The following UACA variants were observed in gnomAD, a reference collection of about 807,000 sequenced individuals.
UACA encodes the protein nuclear membrane binding protein.
UACA carries 112 observed loss-of-function variants against 160.5 expected under a neutral mutation model. That is an observed-to-expected ratio of 0.70 (90% CI 0.60 to 0.82). The LOEUF (loss-of-function observed/expected upper bound fraction) is 0.82, where lower values mean the gene tolerates loss of function less well. Among genes scored for constraint, UACA ranks in the 40% least tolerant of loss-of-function variants. UACA has a pLI of 0.00. For synonymous variants in UACA, 557 were observed against 568.4 expected, an observed-to-expected ratio of 0.98 and a Z score of 0.29; for missense variants, 1,574 against 1,614.6, an observed-to-expected ratio of 0.97 and a Z score of 0.43.
intron 18 of UACA, 67 bp from the exon 19 acceptor site, chr15:70,657,194 T>C: frequency 7.5e-7 from 1 of 1,333,960 alleles, no homozygotes; most frequent in Admixed American, 1.7e-5. Flanking sequence ...ATTCTAAAGA[T>C]AAAGCTTTTA....
intron 1 of UACA, among the ~76,000 whole-genome samples, chr15:70,753,228 A>G (rs1251737814): frequency 6.6e-6 from 1 of 152,226 alleles, no homozygotes; most frequent in Non-Finnish European, 1.5e-5. Flanking sequence ...CGCAGCCAAT[A>G]AGCACAGAAA....
intron 1 of UACA, among the ~76,000 whole-genome samples, chr15:70,710,460 T>G (rs934542026): frequency 6.6e-6 from 1 of 151,972 alleles, no homozygotes; most frequent in Admixed American, 6.6e-5. Flanking sequence ...AACATCTGGG[T>G]CTCCTACAAT....
intron 1 of UACA, among the ~76,000 whole-genome samples, chr15:70,751,340 T>C (rs759792710): frequency 7.9e-5 from 12 of 152,214 alleles, no homozygotes; most frequent in Non-Finnish European, 1.6e-4. Flanking sequence ...GGTGGACTTT[T>C]GAAGATCTAG....
intron 16 of UACA, 148 bp downstream of exon 16, chr15:70,666,576 T>C (rs767971800): frequency 3.2e-6 from 2 of 624,618 alleles, no homozygotes; most frequent in Non-Finnish European, 5.0e-6. Flanking sequence ...TCACTTTTTT[T>C]TTCAATTCGG....
At chr15:70,712,506 C>T (rs886993358) in intron 1 of UACA, among the ~76,000 whole-genome samples, 2 of 152,172 alleles carry the variant, frequency 1.3e-5, no homozygotes, top group Non-Finnish European at 2.9e-5. Flanking sequence ...CACCACTTCC[C>T]TATATCCTGT....
At position 70,695,084 on chromosome 15, in the gene UACA, C is replaced by G. The variant is rs1595894169; in HGVS notation, c.234G>C (p.Lys78Asn). The change falls in exon 3 of 19, where the codon AAG (lysine) becomes AAC (asparagine). Residue 78 changes from lysine to asparagine, a missense_variant. Transcript: ENST00000322954. ...TGGCATTCAAACACTCAAGATTCCCCTTTGAGGTCACAACATGGAAGCTAA... is the reference window on the plus strand; with the variant it reads ...TGGCATTCAAACACTCAAGATTCCCGTTTGAGGTCACAACATGGAAGCTAA... Reference protein sequence around the residue: ...GRSVFHVVTSKGNLECLNAIL... With the variant: ...GRSVFHVVTSNGNLECLNAIL... 1.2e-6 allele frequency: 2 copies of G among 1,607,656 alleles called. No individual in the cohort carries two copies. The highest frequency in any genetic ancestry group is 2.2e-5 in the East Asian group (1 of 44,522).
chr15:70,688,277 T>C (rs1031671505), intron 5 of UACA, among the ~76,000 whole-genome samples: 6 of 152,186 alleles, frequency 3.9e-5, no homozygotes, highest in African/African-American at 1.4e-4. Flanking sequence ...TTGCAATGTC[T>C]ACCTTTATGC....
At chr15:70,687,423 A>C (rs1897764012) in intron 7 of UACA, 117 bp downstream of exon 7, 1 of 845,574 alleles carries the variant, frequency 1.2e-6, no homozygotes, top group African/African-American at 1.7e-5. Context: ...CAAGCCAGGG[A>C]AGGGGAGAAC....
At chr15:70,768,084 A>G (rs2031059089), upstream of UACA, 1 of 152,252 alleles carries the variant, frequency 6.6e-6, no homozygotes, top group African/African-American at 2.4e-5. Flanking sequence ...TGAGAAGAAG[A>G]AAAAGGGAAA....
rs1897003032 is a variant in UACA, at chr15:70,668,228, T to A, written c.2456A>T (p.Asn819Ile). ...CAGCTGTTTCTTAAGTTCAACAATA[T>A]TGGATTTCAGAGCTATTATCTCTTT... The part of the protein sequence containing the change: ...HEKEIIALKS[N>I]IVELKKQLSE... Residue 819 changes from asparagine (N) to isoleucine (I), a missense_variant, in exon 16 of 19, where the codon AAT becomes ATT. Transcript: ENST00000322954. 6.2e-7 allele frequency: 1 copy of A among 1,613,138 alleles called. No individual in the cohort carries two copies. The highest frequency in any genetic ancestry group is 1.7e-5 in the Admixed American group (1 of 59,890).
chr15:70,697,066 A>ACTCTATGT (rs1898155499), intron 2 of UACA, among the ~76,000 whole-genome samples: 1 of 152,158 alleles, frequency 6.6e-6, no homozygotes, highest in African/African-American at 2.4e-5. Flanking sequence ...TTAAAAATCA[A>ACTCTATGT]CTCTATGTTT....
intron 3 of UACA, among the ~76,000 whole-genome samples, chr15:70,691,859 T>C (rs1897950064): frequency 6.6e-6 from 1 of 152,182 alleles, no homozygotes; most frequent in Non-Finnish European, 1.5e-5. Context: ...AAATTCAAAG[T>C]TTATTATGTA....
chr15:70,701,521 C>T (rs947143012), intron 1 of UACA, among the ~76,000 whole-genome samples: 3 of 152,144 alleles, frequency 2.0e-5, no homozygotes, highest in Non-Finnish European at 4.4e-5. Flanking sequence ...ATTTAAATCA[C>T]CACAAAGTTG....
chr15:70,717,474 T>C (rs547975961), intron 1 of UACA, among the ~76,000 whole-genome samples: 33 of 152,326 alleles, frequency 2.2e-4, no homozygotes, highest in Admixed American at 2.6e-4. Flanking sequence ...AAAACAGCCA[T>C]AGGCAATATG....
At chr15:70,745,932 T>C (rs901121154) in intron 1 of UACA, among the ~76,000 whole-genome samples, 1 of 152,154 alleles carries the variant, frequency 6.6e-6, no homozygotes, top group African/African-American at 2.4e-5. Flanking sequence ...GCTAGCCATA[T>C]GCAAAAAACT....
intron 1 of UACA, among the ~76,000 whole-genome samples, chr15:70,755,408 G>A (rs2030357963): frequency 1.3e-5 from 2 of 151,536 alleles, no homozygotes; most frequent in South Asian, 2.1e-4. Context: ...AGTGGCTCAC[G>A]CCTATAATCT....
At position 70,657,054 on chromosome 15, in the gene UACA, G is replaced by C. The variant is rs755923541; in HGVS notation, c.*2C>G. 1.2e-6 allele frequency: 2 copies of C among 1,612,478 alleles called. No individual in the cohort carries two copies. The highest frequency in any genetic ancestry group is 1.1e-5 in the South Asian group (1 of 91,058). On this transcript the variant is annotated 3_prime_UTR_variant, in exon 19 of 19. Coordinates refer to ENST00000322954, the MANE Select transcript of UACA (RefSeq NM_018003.4). ...ACAGATACTGGCAGTCAGTGCTAAC[G>C]GCTAGCACACAAGCCCCTGCCGCAT...
Position 70,666,848 on chromosome 15 carries a change from T to G in UACA, c.3836A>C (p.His1279Pro). 6.2e-7 allele frequency: 1 copy of G among 1,613,988 alleles called. No homozygotes were observed. Among genetic ancestry groups the G allele is most frequent in the Non-Finnish European group, 8.5e-7 (1 of 1,179,958 alleles). Residue 1279 changes from histidine to proline, a missense_variant, in exon 16 of 19, where the codon CAT becomes CCT. Coordinates refer to ENST00000322954, the MANE Select transcript of UACA (RefSeq NM_018003.4). ...CTTAATTTCTTGCTCAATGCTGAAA[T>G]GCAGTAATTCCTTCTCATCTTTTGC... is the stretch of plus-strand genomic sequence containing the variant. Reference protein sequence around the residue: ...ISAKDEKELLHFSIEQEIKDQ... With the variant: ...ISAKDEKELLPFSIEQEIKDQ...
intron 1 of UACA, among the ~76,000 whole-genome samples, chr15:70,705,332 C>T (rs907048217): frequency 1.3e-5 from 2 of 152,004 alleles, no homozygotes; most frequent in African/African-American, 4.8e-5. Context: ...AGCTCGAGAC[C>T]AGCCTGACCA....
Sources: gnomAD v4.1 joint callset for allele counts (sites outside exome capture counted in the v4.1 genomes callset) on GRCh38, gnomAD v4.1.1 for gene constraint, MANE v1.5 for transcripts, NCBI Gene and HGNC (gene_info 2026-07-23, HGNC 2026-07-21) for gene names.